The following NRCAM variants were observed in gnomAD, a reference collection of about 807,000 sequenced individuals.
NRCAM encodes the protein NgCAM-related cell adhesion molecule.
NRCAM carries 83 observed loss-of-function variants against 156.5 expected under a neutral mutation model. That is an observed-to-expected ratio of 0.53 (90% CI 0.44 to 0.64). The LOEUF (loss-of-function observed/expected upper bound fraction) is 0.64, where lower values mean the gene tolerates loss of function less well. NRCAM is among the 30% of genes least tolerant of loss of function. NRCAM has a pLI of 0.00. For synonymous variants in NRCAM, 538 were observed against 563.9 expected (o/e 0.95, Z 0.65); for missense variants, 1,417 against 1,597.3 (o/e 0.89, Z 1.92).
intron 3 of NRCAM, among the ~76,000 whole-genome samples, chr7:108,259,536 A>G (rs2096810564): frequency 1.3e-5 from 2 of 152,240 alleles, no homozygotes; most frequent in African/African-American, 4.8e-5. Flanking sequence ...ATAAAGATAC[A>G]TGCATGTGTA....
chr7:108,416,492 A>T (rs1182426978), intron 1 of NRCAM, among the ~76,000 whole-genome samples: 1 of 152,186 alleles, frequency 6.6e-6, no homozygotes, highest in African/African-American at 2.4e-5. Flanking sequence ...CTATGGCAGC[A>T]GGCAACATGT....
intron 3 of NRCAM, among the ~76,000 whole-genome samples, chr7:108,303,657 T>C (rs1274374497): frequency 6.6e-6 from 1 of 152,026 alleles, no homozygotes; most frequent in Non-Finnish European, 1.5e-5. Flanking sequence ...CCTTCAATCA[T>C]ATACCAAGGC....
At chr7:108,376,841 A>G (rs991407852) in intron 2 of NRCAM, among the ~76,000 whole-genome samples, 1 of 152,210 alleles carries the variant, frequency 6.6e-6, no homozygotes, top group Non-Finnish European at 1.5e-5. Context: ...GATCAATGAC[A>G]CTGAAAACCG....
At chr7:108,151,038 T>C (rs1344185444) in intron 32 of NRCAM, among the ~76,000 whole-genome samples, 1 of 152,018 alleles carries the variant, frequency 6.6e-6, no homozygotes, top group African/African-American at 2.4e-5. Context: ...ATCTGAGGAG[T>C]GTACTTTAAT....
intron 2 of NRCAM, among the ~76,000 whole-genome samples, chr7:108,386,055 T>A (rs1248855613): frequency 6.6e-6 from 1 of 152,088 alleles, no homozygotes; most frequent in Non-Finnish European, 1.5e-5. Context: ...CTTGGTTTCT[T>A]TTGAAAGAAG....
intron 1 of NRCAM, among the ~76,000 whole-genome samples, chr7:108,436,507 T>C (rs10230518): frequency 0.62 from 93,680 of 152,030 alleles, 29,323 homozygotes; most frequent in African/African-American, 0.74. Context: ...TAGGTTAATT[T>C]CTTGGGAATA....
chr7:108,298,582 G>A (rs1229037240), intron 3 of NRCAM, among the ~76,000 whole-genome samples: 4 of 151,772 alleles, frequency 2.6e-5, no homozygotes, highest in Non-Finnish European at 5.9e-5. Context: ...GAACCCGGGA[G>A]GCAGACCTTG....
At chr7:108,179,258 C>T (rs938695495) in intron 25 of NRCAM, among the ~76,000 whole-genome samples, 1 of 152,130 alleles carries the variant, frequency 6.6e-6, no homozygotes, top group Non-Finnish European at 1.5e-5. Flanking sequence ...GTGAAAACAT[C>T]GAGGAGGAAG....
intron 2 of NRCAM, among the ~76,000 whole-genome samples, chr7:108,364,686 C>T (rs2099580811): frequency 6.6e-6 from 1 of 151,380 alleles, no homozygotes; most frequent in South Asian, 2.1e-4. Context: ...ATATGGCTGC[C>T]ACTTTACAAC....
At chr7:108,344,255 G>T (rs561025089) in intron 2 of NRCAM, among the ~76,000 whole-genome samples, 137 of 152,174 alleles carry the variant, frequency 9.0e-4, no homozygotes, top group Non-Finnish European at 1.5e-3. Flanking sequence ...TTAAACACGG[G>T]GCTTGCAACT....
intron 2 of NRCAM, among the ~76,000 whole-genome samples, chr7:108,331,028 C>G (rs1301840676): frequency 6.6e-6 from 1 of 152,070 alleles, no homozygotes; most frequent in Admixed American, 6.6e-5. Flanking sequence ...TTTAAGCACA[C>G]AAAAATATTA....
chr7:108,407,558 T>C (rs1044722486), intron 1 of NRCAM, among the ~76,000 whole-genome samples: 4 of 152,326 alleles, frequency 2.6e-5, no homozygotes, highest in South Asian at 4.1e-4. Flanking sequence ...TGCCCACTTA[T>C]TTCTCACCTT....
rs142664117 is a variant in NRCAM, at chr7:108,157,750, G to T, written c.3677+1713C>A. 1.3e-3 allele frequency among the ~76,000 whole-genome samples: 204 copies of T among 152,190 alleles called. 1 individual carries two copies. The highest frequency in any genetic ancestry group is 3.4e-3 in the Middle Eastern group (1 of 294). ...TGACCTCAGATCATGGTTTCACATC[G>T]CTGTAAGAGCAAGCTGATGTTTGAG... is the stretch of plus-strand genomic sequence containing the variant. On this transcript the variant is annotated intron_variant, in intron 32 of 32. Transcript: ENST00000379028.
intron 2 of NRCAM, among the ~76,000 whole-genome samples, chr7:108,387,539 T>A (rs1053718759): frequency 6.6e-6 from 1 of 152,108 alleles, no homozygotes; most frequent in African/African-American, 2.4e-5. Flanking sequence ...ATTTTTATCC[T>A]AGTTTTTTTA....
intron 32 of NRCAM, among the ~76,000 whole-genome samples, chr7:108,153,573 TCAC>T (rs2043041587): frequency 6.6e-6 from 1 of 152,086 alleles, no homozygotes; most frequent in African/African-American, 2.4e-5. Context: ...ATGGCTGCTA[TCAC>T]CACTTCTAAT....
intron 3 of NRCAM, among the ~76,000 whole-genome samples, chr7:108,303,951 C>T (rs2098675182): frequency 6.6e-6 from 1 of 152,090 alleles, no homozygotes; most frequent in Admixed American, 6.5e-5. Flanking sequence ...GTGCTGTATA[C>T]ACTCCATGTA....
chr7:108,290,307 A>T (rs2098247482), intron 3 of NRCAM, among the ~76,000 whole-genome samples: 1 of 152,152 alleles, frequency 6.6e-6, no homozygotes. Context: ...AGCAAAAAGG[A>T]TCATCTGCCC....
chr7:108,406,644 G>A (rs1159603927), intron 1 of NRCAM, among the ~76,000 whole-genome samples: 1 of 152,172 alleles, frequency 6.6e-6, no homozygotes, highest in Non-Finnish European at 1.5e-5. Flanking sequence ...GAAAACAGCT[G>A]GAGTCAGTCA....
At chr7:108,428,360 AT>A (rs1163594104) in intron 1 of NRCAM, among the ~76,000 whole-genome samples, 3 of 152,176 alleles carry the variant, frequency 2.0e-5, no homozygotes, top group Non-Finnish European at 2.9e-5. Flanking sequence ...AGGTGTTGGC[AT>A]TTTTGCCCTG....
Sources: allele counts gnomAD v4.1 joint callset (sites outside exome capture counted in the v4.1 genomes callset), GRCh38; gene constraint gnomAD v4.1.1; transcripts MANE v1.5; gene names NCBI Gene and HGNC (gene_info 2026-07-23, HGNC 2026-07-21).